The following PLCL2 variants were observed in gnomAD, a reference collection of about 807,000 sequenced individuals.
PLCL2 encodes the protein inactive phospholipase C-like protein 2.
PLCL2 carries 4 observed loss-of-function variants against 79.6 expected under a neutral mutation model. The observed-to-expected ratio is 0.05, with a 90% CI of 0.02 to 0.11. PLCL2 has a LOEUF of 0.11. PLCL2 is among the 10% of genes least tolerant of loss of function. The pLI is 1.00. For synonymous variants in PLCL2, 484 were observed against 457.7 expected, an observed-to-expected ratio of 1.06 and a Z score of -0.73; for missense variants, 895 against 1,291.0, an observed-to-expected ratio of 0.69 and a Z score of 4.70.
intron 1 of PLCL2, among the ~76,000 whole-genome samples, chr3:16,933,460 T>C (rs768567547): frequency 6.6e-6 from 1 of 152,174 alleles, no homozygotes; most frequent in Non-Finnish European, 1.5e-5. Flanking sequence ...AGTAAAAGAT[T>C]ATACAGGGAA....
rs534422250 is a variant in PLCL2, at chr3:17,011,923, C to G, written c.2577C>G (p.Val859=). ...GTTTACAGACGGGCTACCGCCATGT[C>G]CCCCTGCAGTCCTTAACTGGAGAGG... ...FECLQTGYRH[V]PLQSLTGEVL... is the part of the protein sequence containing the mutation. Residue 859 remains valine (V), a synonymous_variant, in exon 2 of 6, where the codon GTC becomes GTG. Coordinates refer to ENST00000615277, the MANE Select transcript of PLCL2 (RefSeq NM_001144382.2). This position sits in a 1 kb window ranked among gnomAD's most constrained non-coding sequence, Gnocchi z 7.9. 5.0e-6 allele frequency: 8 copies of G among 1,614,194 alleles called. No homozygotes were observed. The South Asian group carries it at 7.7e-5, about 16-fold the overall frequency.
At chr3:17,066,171 G>A (rs2065009774) in intron 4 of PLCL2, among the ~76,000 whole-genome samples, 1 of 152,166 alleles carries the variant, frequency 6.6e-6, no homozygotes, top group Non-Finnish European at 1.5e-5. Flanking sequence ...ACCAAGTTGG[G>A]ATGTTCTCAG....
At chr3:17,036,336 A>T (rs1208915335) in intron 3 of PLCL2, among the ~76,000 whole-genome samples, 1 of 152,144 alleles carries the variant, frequency 6.6e-6, no homozygotes, top group Non-Finnish European at 1.5e-5. Context: ...AGTACGTTGT[A>T]TTTTCCAACA....
intron 5 of PLCL2, chr3:17,081,434 C>G (rs1005721850): frequency 3.1e-6 from 1 of 320,786 alleles, no homozygotes; most frequent in East Asian, 8.6e-5. Context: ...AGTAAGACAA[C>G]TGTTTTTCTC....
chr3:16,913,449 T>G (rs142289859), intron 1 of PLCL2, among the ~76,000 whole-genome samples: 1 of 151,672 alleles, frequency 6.6e-6, no homozygotes, highest in African/African-American at 2.4e-5. Context: ...GGTGTAAAAT[T>G]TTTCTCAATT....
intron 1 of PLCL2, among the ~76,000 whole-genome samples, chr3:17,007,281 G>A (rs1048028619): frequency 2.0e-5 from 3 of 151,910 alleles, no homozygotes; most frequent in Admixed American, 6.6e-5. Context: ...GTGAAACCCC[G>A]TCTCTACTGG....
At chr3:17,087,357 G>T (rs946550959) in intron 5 of PLCL2, among the ~76,000 whole-genome samples, 1 of 152,198 alleles carries the variant, frequency 6.6e-6, no homozygotes, top group African/African-American at 2.4e-5. Context: ...GCCATGAGAC[G>T]ACATGGAGGA....
chr3:16,912,993 C>T (rs1175501447), intron 1 of PLCL2, among the ~76,000 whole-genome samples: 4 of 152,166 alleles, frequency 2.6e-5, no homozygotes, highest in African/African-American at 9.7e-5. Context: ...TGTTCTTCTC[C>T]CTTTCCCCCA....
intron 1 of PLCL2, among the ~76,000 whole-genome samples, chr3:16,952,504 G>A (rs1248869769): frequency 6.6e-6 from 1 of 150,596 alleles, no homozygotes; most frequent in Non-Finnish European, 1.5e-5. Context: ...AGAAGTAAAT[G>A]TCTAGTGGTT....
intron 1 of PLCL2, among the ~76,000 whole-genome samples, chr3:17,006,464 G>A (rs2064261297): frequency 6.6e-6 from 1 of 152,202 alleles, no homozygotes; most frequent in African/African-American, 2.4e-5. Flanking sequence ...CACCCATTAA[G>A]GAGTGCAAGC....
intron 1 of PLCL2, among the ~76,000 whole-genome samples, chr3:16,908,706 T>C (rs1018057945): frequency 6.6e-6 from 1 of 152,144 alleles, no homozygotes; most frequent in Non-Finnish European, 1.5e-5. Flanking sequence ...AGGTTGGCAG[T>C]CTGGGAGGTG....
intron 1 of PLCL2, among the ~76,000 whole-genome samples, chr3:17,000,451 A>C (rs1371601298): frequency 6.6e-6 from 1 of 152,138 alleles, no homozygotes; most frequent in East Asian, 1.9e-4. Context: ...TTGTGTTGAG[A>C]ATATTCCAAA....
chr3:17,025,276 C>A (rs2064504257), intron 3 of PLCL2, among the ~76,000 whole-genome samples: 1 of 152,144 alleles, frequency 6.6e-6, no homozygotes, highest in South Asian at 2.1e-4. Flanking sequence ...GGAATTAATT[C>A]AATCTATTGC....
intron 1 of PLCL2, among the ~76,000 whole-genome samples, chr3:17,001,697 G>C (rs2125002688): frequency 6.6e-6 from 1 of 152,100 alleles, no homozygotes; most frequent in East Asian, 1.9e-4. Context: ...TCTCTGTTCT[G>C]TTCCATTGGT....
chr3:17,027,809 A>G (rs1007364954), intron 3 of PLCL2, among the ~76,000 whole-genome samples: 39 of 152,152 alleles, frequency 2.6e-4, no homozygotes, highest in African/African-American at 8.7e-4. Context: ...ATATGGTTCT[A>G]CTAATTGTTA....
chr3:17,070,968 C>T (rs1209284671), intron 5 of PLCL2, among the ~76,000 whole-genome samples: 2 of 152,126 alleles, frequency 1.3e-5, no homozygotes, highest in Non-Finnish European at 2.9e-5. Context: ...CTTAAACATG[C>T]CCTCTCCTAA....
chr3:17,033,088 T>C (rs2064602532), intron 3 of PLCL2, among the ~76,000 whole-genome samples: 1 of 152,166 alleles, frequency 6.6e-6, no homozygotes. Flanking sequence ...TCAGACCGTA[T>C]CAGGGTTTAG....
chr3:16,994,475 A>C (rs1183838346), intron 1 of PLCL2, among the ~76,000 whole-genome samples: 2 of 152,194 alleles, frequency 1.3e-5, no homozygotes, highest in African/African-American at 4.8e-5. Context: ...CCACTTCAGC[A>C]GATGTTTGTG....
intron 3 of PLCL2, among the ~76,000 whole-genome samples, chr3:17,036,009 T>C (rs1448719706): frequency 6.6e-6 from 1 of 152,094 alleles, no homozygotes; most frequent in African/African-American, 2.4e-5. Flanking sequence ...GATGTGGTAG[T>C]GGAAATGAAG....
Sources: allele counts gnomAD v4.1 joint callset (sites outside exome capture counted in the v4.1 genomes callset), GRCh38; gene constraint gnomAD v4.1.1; non-coding constraint Gnocchi (gnomAD v3.1); transcripts MANE v1.5; gene names NCBI Gene and HGNC (gene_info 2026-07-23, HGNC 2026-07-21).